The following SUGCT variants were observed in gnomAD, a reference collection of about 807,000 sequenced individuals.
The protein encoded by SUGCT is succinyl-CoA:glutarate-CoA transferase.
A neutral mutation model predicts 55.0 loss-of-function variants in SUGCT; 41 were observed. That is an observed-to-expected ratio of 0.74 (90% CI 0.58 to 0.97). The LOEUF is 0.97. SUGCT is among the 50% of genes least tolerant of loss of function. The probability of loss-of-function intolerance (pLI) is 0.00; values close to 1 mark genes in which losing one functional copy is unlikely to be tolerated. For synonymous variants in SUGCT, 187 were observed against 200.4 expected (o/e 0.93, Z 0.56); for missense variants, 568 against 547.8 (o/e 1.04, Z -0.37).
At chr7:40,908,305 C>T in the SUGCT span, among the ~76,000 whole-genome samples, 13 of 150,242 alleles carry the variant, frequency 8.7e-5, no homozygotes, top group Non-Finnish European at 1.6e-4. Context: ...ATGGTGTGAA[C>T]CTGGGAGGTG....
At chr7:40,254,127 A>G (rs1342190084) in intron 7 of SUGCT, among the ~76,000 whole-genome samples, 1 of 152,236 alleles carries the variant, frequency 6.6e-6, no homozygotes, top group African/African-American at 2.4e-5. Context: ...AAATGGAAGG[A>G]AAGCCGAAAG....
At chr7:40,706,069 T>G (rs1425597064) in intron 12 of SUGCT, among the ~76,000 whole-genome samples, 3 of 152,214 alleles carry the variant, frequency 2.0e-5, no homozygotes. Flanking sequence ...CTCAGCATTG[T>G]CTAGTATTTA....
At chr7:40,853,988 T>C (rs1036038203) in intron 13 of SUGCT, among the ~76,000 whole-genome samples, 1 of 152,228 alleles carries the variant, frequency 6.6e-6, no homozygotes, top group South Asian at 2.1e-4. Context: ...AATTTAATGC[T>C]AAGAGCTGTT....
intron 13 of SUGCT, among the ~76,000 whole-genome samples, chr7:40,854,414 T>TC (rs770149203): frequency 0.036 from 3,187 of 87,850 alleles, 104 homozygotes; most frequent in African/African-American, 0.11. Context: ...TTTCTTTCTT[T>TC]CTTTCCTTTC....
At chr7:40,999,907 T>G in the SUGCT span, among the ~76,000 whole-genome samples, 135 of 152,348 alleles carry the variant, frequency 8.9e-4, 2 homozygotes, top group East Asian at 0.025. Flanking sequence ...TCTTTTGACT[T>G]TAAAGGAAAC....
chr7:40,905,855 A>AC, the SUGCT span, among the ~76,000 whole-genome samples: 1 of 151,654 alleles, frequency 6.6e-6, no homozygotes, highest in South Asian at 2.1e-4. Flanking sequence ...AGTAGTTGGG[A>AC]CCCCAGGCAC....
At chr7:40,436,790 A>G (rs979926604) in intron 9 of SUGCT, among the ~76,000 whole-genome samples, 1 of 152,158 alleles carries the variant, frequency 6.6e-6, no homozygotes, top group Non-Finnish European at 1.5e-5. Context: ...TTTTTTGTGT[A>G]GTTTCTATAA....
At chr7:40,457,547 C>T (rs1185889633) in intron 10 of SUGCT, among the ~76,000 whole-genome samples, 1 of 152,010 alleles carries the variant, frequency 6.6e-6, no homozygotes, top group Non-Finnish European at 1.5e-5. Context: ...TTTATTTTAT[C>T]CCAGGCAGCA....
rs146635299 is a variant in SUGCT, at chr7:40,538,079, A to T, written c.1089+41693A>T. The T allele has an allele frequency of 4.6e-4, 70 of 152,292 alleles. No individual in the cohort carries two copies. The East Asian group carries it at 0.011, about 24-fold the overall frequency. The allele number at this position is 152,292 out of a possible 1,614,324, so 9.4% of individuals were successfully genotyped here. ...GCATTCATCTGTAGGTGAGCAATTA[A>T]CATTATTATTTGTGTTGCTCTTAAT... On this transcript the variant is annotated intron_variant, in intron 12 of 13. Coordinates refer to ENST00000335693, the MANE Select transcript of SUGCT (RefSeq NM_001193313.2).
chr7:40,667,321 C>T (rs1801698623), intron 12 of SUGCT, among the ~76,000 whole-genome samples: 2 of 152,044 alleles, frequency 1.3e-5, no homozygotes, highest in Admixed American at 1.3e-4. Flanking sequence ...GGTGTATTAA[C>T]TTTTTGATGT....
chr7:40,948,438 TGATGATGATGA>T, the SUGCT span, among the ~76,000 whole-genome samples: 9 of 46,710 alleles, frequency 1.9e-4, no homozygotes, highest in African/African-American at 4.8e-4. Flanking sequence ...AAAAACATGA[TGATGATGATGA>T]TGATGATGAT....
At chr7:40,441,932 G>C (rs1407939407) in intron 9 of SUGCT, among the ~76,000 whole-genome samples, 1 of 152,012 alleles carries the variant, frequency 6.6e-6, no homozygotes, top group Non-Finnish European at 1.5e-5. Flanking sequence ...TTCTGGGTGG[G>C]GGGTCTCAGG....
At chr7:40,727,978 C>A (rs1786695588) in intron 12 of SUGCT, among the ~76,000 whole-genome samples, 2 of 152,128 alleles carry the variant, frequency 1.3e-5, no homozygotes, top group African/African-American at 4.8e-5. Flanking sequence ...TAGTTTTAGA[C>A]AGGTTCTTAC....
intron 8 of SUGCT, among the ~76,000 whole-genome samples, chr7:40,290,142 T>C (rs1400713205): frequency 6.6e-6 from 1 of 151,944 alleles, no homozygotes; most frequent in Non-Finnish European, 1.5e-5. Context: ...CTTCACAGAA[T>C]TGGAAAAAAC....
At chr7:40,999,863 T>C in the SUGCT span, among the ~76,000 whole-genome samples, 1 of 152,204 alleles carries the variant, frequency 6.6e-6, no homozygotes, top group Non-Finnish European at 1.5e-5. Context: ...CAAGCTGAAT[T>C]TATTATTATA....
At chr7:40,343,138 C>T (rs1400691500) in intron 9 of SUGCT, among the ~76,000 whole-genome samples, 1 of 152,304 alleles carries the variant, frequency 6.6e-6, no homozygotes, top group Middle Eastern at 3.4e-3. Flanking sequence ...TACTCTTATA[C>T]ACACCTCTCT....
intron 11 of SUGCT, among the ~76,000 whole-genome samples, chr7:40,466,764 T>C (rs78364688): frequency 0.028 from 4,315 of 152,242 alleles, 150 homozygotes; most frequent in African/African-American, 0.074. Context: ...GTGAGGACTT[T>C]GAATGAACTA....
intron 12 of SUGCT, among the ~76,000 whole-genome samples, chr7:40,571,287 TA>T (rs1188000657): frequency 6.6e-6 from 1 of 152,204 alleles, no homozygotes; most frequent in Non-Finnish European, 1.5e-5. Context: ...GAAAATAAAG[TA>T]AAAAATTAAA....
chr7:40,812,572 C>T (rs1791479434), intron 13 of SUGCT, among the ~76,000 whole-genome samples: 1 of 152,014 alleles, frequency 6.6e-6, no homozygotes, highest in Admixed American at 6.6e-5. Context: ...GTTGTAATGT[C>T]ACCTTTGTCA....
Sources: allele counts gnomAD v4.1 joint callset (sites outside exome capture counted in the v4.1 genomes callset), GRCh38; gene constraint gnomAD v4.1.1; transcripts MANE v1.5; gene names NCBI Gene and HGNC (gene_info 2026-07-23, HGNC 2026-07-21).